MOB3B: variants seen among roughly 807,000 people sequenced by gnomAD.
MOB3B encodes MOB kinase activator 3B.
A neutral mutation model predicts 18.7 loss-of-function variants in MOB3B; 7 were observed. The ratio of observed to expected loss-of-function variants is 0.37; its 90% CI spans 0.21 to 0.70. The LOEUF (loss-of-function observed/expected upper bound fraction) is 0.70, where lower values mean the gene tolerates loss of function less well. Among genes scored for constraint, MOB3B ranks in the 30% least tolerant of loss-of-function variants. The probability of loss-of-function intolerance (pLI) is 0.52; values close to 1 mark genes in which losing one functional copy is unlikely to be tolerated. For synonymous variants in MOB3B, 111 were observed against 99.9 expected, an observed-to-expected ratio of 1.11 and a Z score of -0.66; for missense variants, 253 against 281.3, an observed-to-expected ratio of 0.90 and a Z score of 0.72.
intron 2 of MOB3B, among the ~76,000 whole-genome samples, chr9:27,384,641 G>A (rs1275041923): frequency 6.6e-6 from 1 of 152,196 alleles, no homozygotes; most frequent in Non-Finnish European, 1.5e-5. Flanking sequence ...AACAGTGGAG[G>A]TGAACGTGCT....
At chr9:27,509,977 G>A (rs529555710) in intron 1 of MOB3B, among the ~76,000 whole-genome samples, 4 of 152,240 alleles carry the variant, frequency 2.6e-5, no homozygotes, top group African/African-American at 4.8e-5. Context: ...CACCCACCTC[G>A]CTCTCCTAAA....
chr9:27,410,361 T>C (rs1822047388), intron 2 of MOB3B, among the ~76,000 whole-genome samples: 1 of 152,166 alleles, frequency 6.6e-6, no homozygotes, highest in African/African-American at 2.4e-5. Context: ...ATGAATTCAG[T>C]CTGATGAAGA....
At chr9:27,487,920 G>A (rs1819755621) in intron 1 of MOB3B, among the ~76,000 whole-genome samples, 2 of 152,122 alleles carry the variant, frequency 1.3e-5, no homozygotes, top group Non-Finnish European at 2.9e-5. Flanking sequence ...CTGACTGTCT[G>A]ATAATCTTTA....
chr9:27,483,257 C>A (rs561138089), intron 1 of MOB3B, among the ~76,000 whole-genome samples: 35 of 151,604 alleles, frequency 2.3e-4, no homozygotes, highest in Non-Finnish European at 4.0e-4. Flanking sequence ...CTCAGCCTCC[C>A]GAGTAGCTGG....
In MOB3B at chr9:27,476,096, C is replaced by T. The variant is rs576963999; in HGVS notation, c.-198-20348G>A. ...CCCCTGGATACCTCTCCTTCCCCTA[C>T]GATTCTCTCCCTTACTTATCTGCTC... On this transcript the variant is annotated intron_variant, in intron 1 of 3. Coordinates refer to ENST00000262244, the MANE Select transcript of MOB3B (RefSeq NM_024761.5). Among the ~76,000 whole-genome samples, 7 of 152,356 alleles carry T rather than the reference C, an allele frequency of 4.6e-5. No homozygotes were observed. The South Asian group carries it at 1.2e-3, about 27-fold the overall frequency.
intron 1 of MOB3B, among the ~76,000 whole-genome samples, chr9:27,466,531 T>A (rs1308294036): frequency 6.6e-6 from 1 of 152,182 alleles, no homozygotes; most frequent in Non-Finnish European, 1.5e-5. Context: ...CTCACTCTAC[T>A]GGTACCAATT....
At chr9:27,464,926 C>T (rs950980130) in intron 1 of MOB3B, among the ~76,000 whole-genome samples, 7 of 152,168 alleles carry the variant, frequency 4.6e-5, no homozygotes, top group African/African-American at 1.7e-4. Flanking sequence ...CCTGCCATAG[C>T]ATGTGAGAAC....
intron 2 of MOB3B, among the ~76,000 whole-genome samples, chr9:27,380,121 T>C (rs2131373610): frequency 6.6e-6 from 1 of 152,282 alleles, no homozygotes; most frequent in South Asian, 2.1e-4. Context: ...GTCTAAATCC[T>C]CACCCACCAC....
chr9:27,477,105 G>T (rs542834180), intron 1 of MOB3B, among the ~76,000 whole-genome samples: 2 of 152,226 alleles, frequency 1.3e-5, no homozygotes, highest in Admixed American at 6.5e-5. Flanking sequence ...ATTCAAAAGG[G>T]CTCTGTGCTT....
chr9:27,382,717 G>GATATATAT lies in MOB3B; in HGVS notation c.419-23489_419-23482dup, dbSNP rs57101091. Among the ~76,000 whole-genome samples the GATATATAT allele has an allele frequency of 0.012, 1,758 of 148,020 alleles. 57 individuals are homozygous for GATATATAT. The East Asian group carries it at 0.12, about 10-fold the overall frequency. Reference sequence around the variant, plus strand: ...CTGGTGTGAAATGAGAGGTGAAGGTGATATATATATATATATATATCCATC... The same window carrying GATATATAT: ...CTGGTGTGAAATGAGAGGTGAAGGTGATATATATATATATATATATATATATATCCATC... On this transcript the variant is annotated intron_variant, in intron 2 of 3. Coordinates refer to ENST00000262244, the MANE Select transcript of MOB3B (RefSeq NM_024761.5).
intron 2 of MOB3B, among the ~76,000 whole-genome samples, chr9:27,363,156 TAACTA>T (rs918249693): frequency 1.3e-5 from 2 of 152,208 alleles, no homozygotes; most frequent in African/African-American, 4.8e-5. Context: ...CTCCATTACA[TAACTA>T]AAAGAAAAGG....
rs575626254 is a variant in MOB3B, at chr9:27,437,333, A to T, written c.418+17800T>A. 4.6e-5 allele frequency among the ~76,000 whole-genome samples: 7 copies of T among 152,310 alleles called. No homozygotes were observed. In the East Asian group the frequency reaches 1.4e-3, roughly 29 times the overall value. On this transcript the variant is annotated intron_variant, in intron 2 of 3. Coordinates refer to ENST00000262244, the MANE Select transcript of MOB3B (RefSeq NM_024761.5). ...AGACCACTAGAGGAAAAAGTAAAAT[A>T]GTTCTAATGTTCTAAACTCTGACCT...
chr9:27,460,175 A>G (rs1191998250), intron 1 of MOB3B, among the ~76,000 whole-genome samples: 2 of 152,244 alleles, frequency 1.3e-5, no homozygotes, highest in South Asian at 4.1e-4. Flanking sequence ...AGTTCAATGC[A>G]CCAACATGCA....
chr9:27,354,786 A>G (rs1042609414), intron 3 of MOB3B, among the ~76,000 whole-genome samples: 2 of 152,170 alleles, frequency 1.3e-5, no homozygotes, highest in South Asian at 4.1e-4. Flanking sequence ...TGACTGATAC[A>G]AATACAATTA....
At chr9:27,511,217 A>C (rs1296870089) in intron 1 of MOB3B, among the ~76,000 whole-genome samples, 1 of 2,892 alleles carries the variant, frequency 3.5e-4, no homozygotes, top group Non-Finnish European at 2.9e-3. Flanking sequence ...CATCTTTGAC[A>C]AAAAAAAAAA....
At chr9:27,439,100 C>T (rs1026970112) in intron 2 of MOB3B, among the ~76,000 whole-genome samples, 8 of 152,220 alleles carry the variant, frequency 5.3e-5, no homozygotes, top group Admixed American at 2.6e-4. Context: ...ATTTTCTACA[C>T]GCAAAGTCCC....
intron 2 of MOB3B, among the ~76,000 whole-genome samples, chr9:27,388,809 G>T (rs1821685046): frequency 6.6e-6 from 1 of 152,038 alleles, no homozygotes; most frequent in South Asian, 2.1e-4. Flanking sequence ...TCTCAAGCCA[G>T]AAACCCAGTC....
At chr9:27,436,009 G>C (rs1023700350) in intron 2 of MOB3B, among the ~76,000 whole-genome samples, 4 of 152,046 alleles carry the variant, frequency 2.6e-5, no homozygotes, top group African/African-American at 9.7e-5. Context: ...CCTTCTTTTA[G>C]TCCTTCAGGG....
At chr9:27,424,831 G>A (rs1822303378) in intron 2 of MOB3B, among the ~76,000 whole-genome samples, 1 of 152,178 alleles carries the variant, frequency 6.6e-6, no homozygotes, top group Non-Finnish European at 1.5e-5. Flanking sequence ...TGCATCAGTA[G>A]TAGCCATCCA....
Sources: gnomAD v4.1 joint callset for allele counts (sites outside exome capture counted in the v4.1 genomes callset) on GRCh38, gnomAD v4.1.1 for gene constraint, MANE v1.5 for transcripts, NCBI Gene and HGNC (gene_info 2026-07-23, HGNC 2026-07-21) for gene names.